Variants in FBXL13 observed in about 807,000 individuals in gnomAD.
FBXL13 encodes the protein F-box and leucine-rich repeat protein 13.
FBXL13 carries 67 observed loss-of-function variants against 83.6 expected under a neutral mutation model. That is an observed-to-expected ratio of 0.80 (90% CI 0.66 to 0.98). The LOEUF is 0.98. Among genes scored for constraint, FBXL13 ranks in the 50% least tolerant of loss-of-function variants. The pLI, the probability that FBXL13 is intolerant of heterozygous loss-of-function variation, is 0.00. For synonymous variants in FBXL13, 272 were observed against 299.5 expected (o/e 0.91, Z 0.95); for missense variants, 822 against 866.5 (o/e 0.95, Z 0.64).
At chr7:102,838,925 AC>A (rs905664729) in intron 17 of FBXL13, among the ~76,000 whole-genome samples, 2 of 152,184 alleles carry the variant, frequency 1.3e-5, no homozygotes, top group African/African-American at 4.8e-5. Flanking sequence ...CCAGCCCGAC[AC>A]CCGTGAAGGG....
intron 6 of FBXL13, among the ~76,000 whole-genome samples, chr7:102,971,715 T>A (rs1476754049): frequency 1.3e-5 from 2 of 150,934 alleles, no homozygotes; most frequent in South Asian, 2.1e-4. Context: ...CTGGGTAACA[T>A]AGCAAGACTC....
chr7:103,022,590 A>G (rs1298414501), intron 6 of FBXL13, among the ~76,000 whole-genome samples: 2 of 152,218 alleles, frequency 1.3e-5, no homozygotes, highest in Non-Finnish European at 2.9e-5. Flanking sequence ...TCTTCATTCA[A>G]TAAATGATAC....
intron 17 of FBXL13, among the ~76,000 whole-genome samples, chr7:102,853,320 C>A (rs1267132136): frequency 3.9e-5 from 6 of 152,014 alleles, no homozygotes; most frequent in Admixed American, 2.0e-4. Flanking sequence ...TCCCCAAAAA[C>A]CTATGGAAAT....
At chr7:102,837,420 C>A (rs1211449280) in intron 17 of FBXL13, among the ~76,000 whole-genome samples, 1 of 152,216 alleles carries the variant, frequency 6.6e-6, no homozygotes, top group Non-Finnish European at 1.5e-5. Context: ...TCCAAAGACA[C>A]TTTCATGATG....
chr7:103,014,778 C>T (rs1269761675), intron 6 of FBXL13, among the ~76,000 whole-genome samples: 1 of 151,738 alleles, frequency 6.6e-6, no homozygotes, highest in African/African-American at 2.4e-5. Context: ...AAAAAATTAG[C>T]CGGGCAAGGT....
At chr7:102,816,148 C>T (rs1251739127) in intron 19 of FBXL13, 1 of 152,184 alleles carries the variant, frequency 6.6e-6, no homozygotes, top group Non-Finnish European at 1.5e-5. Flanking sequence ...TTTAGTGAAA[C>T]CAAACATCAG....
At chr7:102,843,925 G>A (rs1397131761) in intron 17 of FBXL13, among the ~76,000 whole-genome samples, 1 of 152,142 alleles carries the variant, frequency 6.6e-6, no homozygotes, top group African/African-American at 2.4e-5. Flanking sequence ...TCCATAAGCC[G>A]AAGTCAGATA....
intron 1 of FBXL13, among the ~76,000 whole-genome samples, chr7:103,063,206 G>A (rs1798086520): frequency 6.6e-6 from 1 of 152,120 alleles, no homozygotes. Flanking sequence ...CATGGGTCCT[G>A]CATCCATAGA....
chr7:102,915,115 T>C (rs923061802), intron 10 of FBXL13, among the ~76,000 whole-genome samples: 5 of 148,314 alleles, frequency 3.4e-5, no homozygotes, highest in South Asian at 2.1e-4. Flanking sequence ...TAAGTGGAGA[T>C]TAAAATATTT....
intron 8 of FBXL13, among the ~76,000 whole-genome samples, chr7:102,948,304 T>A (rs1194297657): frequency 6.6e-6 from 1 of 152,078 alleles, no homozygotes; most frequent in African/African-American, 2.4e-5. Flanking sequence ...CTTCAAATGA[T>A]CCGCCCACCT....
intron 16 of FBXL13, among the ~76,000 whole-genome samples, chr7:102,862,328 C>CAA (rs111697845): frequency 4.1e-5 from 4 of 96,814 alleles, no homozygotes; most frequent in South Asian, 2.8e-4. Flanking sequence ...GAATCTGTCT[C>CAA]AAAAAAAAAA....
intron 11 of FBXL13, among the ~76,000 whole-genome samples, chr7:102,901,667 A>G (rs1812978154): frequency 6.6e-6 from 1 of 152,142 alleles, no homozygotes; most frequent in Non-Finnish European, 1.5e-5. Context: ...CAATTTTTTT[A>G]AATACATCTC....
At chr7:102,891,870 G>A (rs1811580578) in intron 11 of FBXL13, among the ~76,000 whole-genome samples, 2 of 152,180 alleles carry the variant, frequency 1.3e-5, no homozygotes, top group African/African-American at 4.8e-5. Context: ...TCCTCAACCA[G>A]TGGCCAAATT....
intron 11 of FBXL13, among the ~76,000 whole-genome samples, chr7:102,902,738 G>A (rs959979409): frequency 1.3e-5 from 2 of 152,046 alleles, no homozygotes; most frequent in African/African-American, 4.8e-5. Context: ...GTCCACTGTC[G>A]GTGTATAGAT....
chr7:102,988,520 AAAAAC>A (rs936347926), intron 6 of FBXL13: 1 of 152,286 alleles, frequency 6.6e-6, no homozygotes, highest in African/African-American at 2.4e-5. Flanking sequence ...AGGGAAAAAG[AAAAAC>A]AAAACAAAGT....
At chr7:102,868,700 C>G (rs1001740710) in intron 16 of FBXL13, among the ~76,000 whole-genome samples, 75 of 152,304 alleles carry the variant, frequency 4.9e-4, no homozygotes, top group African/African-American at 1.7e-3. Context: ...GATAGTCTCA[C>G]TCTGTCACTC....
chr7:103,053,829 A>T (rs890800833), intron 2 of FBXL13, among the ~76,000 whole-genome samples: 1 of 152,202 alleles, frequency 6.6e-6, no homozygotes, highest in African/African-American at 2.4e-5. Context: ...ACACACCATG[A>T]TGCAGATCAA....
rs755561107 is a variant in FBXL13, at chr7:103,029,320, G to A, written c.68+31C>T. 4 of 1,377,436 alleles carry A rather than the reference G, an allele frequency of 2.9e-6. No homozygotes were observed. In the Admixed American group the frequency reaches 8.9e-5, roughly 31 times the overall value. 85.3% of individuals were successfully genotyped at this position (1,377,436 alleles called of 1,614,324 possible). ...AGAATATCAAGAATAAAAACTCAAAGAGGAAGAAATTGTAAAAATCACATT... is the reference window on the plus strand; with the variant it reads ...AGAATATCAAGAATAAAAACTCAAAAAGGAAGAAATTGTAAAAATCACATT... On this transcript the variant is annotated intron_variant, in intron 3 of 19. Transcript: ENST00000313221.
chr7:102,883,077 A>G (rs1403357093), intron 14 of FBXL13, among the ~76,000 whole-genome samples: 2 of 151,552 alleles, frequency 1.3e-5, no homozygotes, highest in African/African-American at 4.9e-5. Context: ...TTAATTTTAC[A>G]AGGGTCCATA....
Sources: gnomAD v4.1 joint callset for allele counts (sites outside exome capture counted in the v4.1 genomes callset) on GRCh38, gnomAD v4.1.1 for gene constraint, MANE v1.5 for transcripts, NCBI Gene and HGNC (gene_info 2026-07-23, HGNC 2026-07-21) for gene names.